Variants in ZNF521 observed in about 807,000 individuals in gnomAD.
ZNF521 encodes zinc finger protein 521.
Under a neutral mutation model 105.5 loss-of-function variants are expected in ZNF521, and 14 were observed. That is an observed-to-expected ratio of 0.13 (90% CI 0.09 to 0.21). The LOEUF is 0.21. ZNF521 is among the 10% of genes least tolerant of loss of function. ZNF521 has a pLI of 1.00. For synonymous variants in ZNF521, 635 were observed against 606.0 expected, an observed-to-expected ratio of 1.05 and a Z score of -0.70; for missense variants, 1,233 against 1,629.7, an observed-to-expected ratio of 0.76 and a Z score of 4.19.
intron 3 of ZNF521, among the ~76,000 whole-genome samples, chr18:25,275,177 C>T (rs1391564544): frequency 2.0e-5 from 3 of 152,106 alleles, no homozygotes; most frequent in East Asian, 3.9e-4. Flanking sequence ...GATCCTGCTG[C>T]GATAAAACTT....
intron 4 of ZNF521, among the ~76,000 whole-genome samples, chr18:25,196,877 ATGTGACCTTGCT>A (rs2035910985): frequency 6.6e-6 from 1 of 151,840 alleles, no homozygotes; most frequent in South Asian, 2.1e-4. Flanking sequence ...TATTCCTGAT[ATGTGACCTTGCT>A]GAAAAACAAA....
At chr18:25,192,801 C>T (rs1032238565) in intron 5 of ZNF521, among the ~76,000 whole-genome samples, 1 of 151,762 alleles carries the variant, frequency 6.6e-6, no homozygotes, top group Admixed American at 6.6e-5. Context: ...CTAAATAGCA[C>T]ATTGGAATTC....
intron 3 of ZNF521, among the ~76,000 whole-genome samples, chr18:25,292,443 C>A (rs1302839541): frequency 6.6e-6 from 1 of 152,146 alleles, no homozygotes. Flanking sequence ...CCAACAAATT[C>A]TTCTCAACAC....
At chr18:25,105,428 A>G (rs192993626) in intron 5 of ZNF521, among the ~76,000 whole-genome samples, 1 of 152,286 alleles carries the variant, frequency 6.6e-6, no homozygotes, top group East Asian at 1.9e-4. Flanking sequence ...AAGTGTCTAC[A>G]CAAGTCAAAC....
intron 2 of ZNF521, among the ~76,000 whole-genome samples, chr18:25,328,164 T>C (rs1347926083): frequency 6.6e-6 from 1 of 152,232 alleles, no homozygotes; most frequent in Non-Finnish European, 1.5e-5. Context: ...TAAAATCTTC[T>C]CAGACAGAAA....
intron 3 of ZNF521, among the ~76,000 whole-genome samples, chr18:25,305,085 C>T (rs992822351): frequency 6.6e-6 from 1 of 152,152 alleles, no homozygotes; most frequent in South Asian, 2.1e-4. Context: ...CACAAATGCA[C>T]TTCTTTAGGC....
intron 7 of ZNF521, chr18:25,082,645 G>A (rs183714850): frequency 2.4e-6 from 1 of 418,882 alleles, no homozygotes; most frequent in Non-Finnish European, 4.7e-6. Context: ...AGACCAGCCT[G>A]GGCAACATGG....
intron 3 of ZNF521, among the ~76,000 whole-genome samples, chr18:25,299,219 G>A (rs1911491420): frequency 6.6e-6 from 1 of 152,140 alleles, no homozygotes; most frequent in East Asian, 1.9e-4. Flanking sequence ...GGTCTGGGTA[G>A]GAAACCATAC....
At chr18:25,123,320 T>C (rs4372769) in intron 5 of ZNF521, among the ~76,000 whole-genome samples, 71,273 of 151,740 alleles carry the variant, frequency 0.47, 17,039 homozygotes, top group South Asian at 0.56. Flanking sequence ...GACTAAATTA[T>C]TGAGTCAAGA....
intron 3 of ZNF521, among the ~76,000 whole-genome samples, chr18:25,236,266 T>C (rs1294519331): frequency 6.6e-6 from 1 of 152,210 alleles, no homozygotes; most frequent in African/African-American, 2.4e-5. Flanking sequence ...CTGGGCGCGG[T>C]GGCTCACGCC....
intron 3 of ZNF521, among the ~76,000 whole-genome samples, chr18:25,316,873 A>G (rs200059853): frequency 1.1e-5 from 1 of 89,804 alleles, no homozygotes; most frequent in Non-Finnish European, 2.2e-5. Flanking sequence ...TTTTTTTTTG[A>G]GACAGAGTTT....
intron 3 of ZNF521, among the ~76,000 whole-genome samples, chr18:25,263,317 C>T (rs774114220): frequency 4.0e-5 from 6 of 151,616 alleles, no homozygotes; most frequent in Non-Finnish European, 5.9e-5. Context: ...ATCACAGTTA[C>T]TCTGATTGAT....
At chr18:25,329,688 GTGAGTGTAA>G (rs1405779880) in intron 2 of ZNF521, among the ~76,000 whole-genome samples, 15 of 152,352 alleles carry the variant, frequency 9.8e-5, no homozygotes, top group African/African-American at 3.4e-4. Context: ...AGGAACTCCT[GTGAGTGTAA>G]TGTCCAGATG....
rs1389513732 is a variant in ZNF521, at chr18:25,330,172, C to CT, written c.41-7986dup. On this transcript the variant is annotated intron_variant, in intron 2 of 7. Coordinates refer to ENST00000361524, the MANE Select transcript of ZNF521 (RefSeq NM_015461.3). The stretch of plus-strand genomic sequence containing the variant: ...CACACCACCTAACTTTTTTCTTTTT[C>CT]TTTTTTTTTTGAGACAGAGTCTCAC... 9.4e-4 allele frequency among the ~76,000 whole-genome samples: 127 copies of CT among 135,256 alleles called. 1 individual carries two copies. Among genetic ancestry groups the CT allele is most frequent in the Middle Eastern group, 3.8e-3 (1 of 264 alleles). 88.7% of individuals were successfully genotyped at this position (135,256 alleles called of 152,430 possible).
At chr18:25,187,346 C>T (rs926543207) in intron 5 of ZNF521, among the ~76,000 whole-genome samples, 8 of 151,840 alleles carry the variant, frequency 5.3e-5, no homozygotes, top group African/African-American at 1.7e-4. Context: ...TGAACTTAAA[C>T]GATACAATTT....
intron 2 of ZNF521, among the ~76,000 whole-genome samples, chr18:25,338,475 T>G (rs965703874): frequency 4.6e-5 from 7 of 152,090 alleles, no homozygotes; most frequent in African/African-American, 1.7e-4. Flanking sequence ...TGCAGTGGCG[T>G]GATCTCGACT....
intron 4 of ZNF521, among the ~76,000 whole-genome samples, chr18:25,212,538 A>AAAAAT (rs1555647923): frequency 1.2e-4 from 6 of 48,138 alleles, no homozygotes; most frequent in East Asian, 6.5e-4. Context: ...AAAAAAAAAA[A>AAAAAT]ATATATATAT....
intron 5 of ZNF521, among the ~76,000 whole-genome samples, chr18:25,097,319 A>G (rs2033873257): frequency 6.6e-6 from 1 of 152,160 alleles, no homozygotes; most frequent in African/African-American, 2.4e-5. Flanking sequence ...CTGTGGTGCT[A>G]ATTTGGCAAT....
chr18:25,081,084 G>C (rs1372590152), intron 7 of ZNF521, among the ~76,000 whole-genome samples: 2 of 142,248 alleles, frequency 1.4e-5, no homozygotes, highest in African/African-American at 2.5e-5. Context: ...AGGGCCAGCA[G>C]AGCCCAGCCA....
Sources: gnomAD v4.1 joint callset for allele counts (sites outside exome capture counted in the v4.1 genomes callset) on GRCh38, gnomAD v4.1.1 for gene constraint, MANE v1.5 for transcripts, NCBI Gene and HGNC (gene_info 2026-07-23, HGNC 2026-07-21) for gene names.